SNAP47: variants seen among roughly 807,000 people sequenced by gnomAD.
SNAP47 encodes the protein synaptosome associated protein 47.
A neutral mutation model predicts 31.4 loss-of-function variants in SNAP47; 20 were observed. The observed-to-expected ratio is 0.64, with a 90% CI of 0.45 to 0.93. The LOEUF (loss-of-function observed/expected upper bound fraction) is 0.93. Among genes scored for constraint, SNAP47 ranks in the 40% least tolerant of loss-of-function variants. The pLI, the probability that SNAP47 is intolerant of heterozygous loss-of-function variation, is 0.00. For missense variants in SNAP47, 492 were observed against 528.5 expected (o/e 0.93, Z 0.68); for synonymous variants, 194 against 213.4 (o/e 0.91, Z 0.79).
At chr1:227,775,600 G>A (rs1486383038) in intron 4 of SNAP47, among the ~76,000 whole-genome samples, 2 of 152,368 alleles carry the variant, frequency 1.3e-5, no homozygotes, top group East Asian at 1.9e-4. Flanking sequence ...GGCAGCGAAC[G>A]CACAAGGCTG....
Position 227,738,923 on chromosome 1 carries a change from T to A in SNAP47, c.-46+3424T>A, listed in dbSNP as rs143125624. 4.6e-5 allele frequency among the ~76,000 whole-genome samples: 7 copies of A among 152,246 alleles called. No homozygotes were observed. In the East Asian group the frequency reaches 1.4e-3, roughly 29 times the overall value. On this transcript the variant is annotated intron_variant, in intron 1 of 4. Transcript: ENST00000617596. Reference sequence around the variant, plus strand: ...AGATCACTGAGCCCCTAGGACTTGGTGGGAGATGGAGCTCTCGTTCTTGAG... The same window carrying A: ...AGATCACTGAGCCCCTAGGACTTGGAGGGAGATGGAGCTCTCGTTCTTGAG...
upstream of SNAP47, chr1:227,732,876 C>T (rs747175835): frequency 1.3e-4 from 209 of 1,612,304 alleles, no homozygotes; most frequent in Non-Finnish European, 1.7e-4. Flanking sequence ...GCGTAGCCAC[C>T]CCACCTGGCA....
chr1:227,769,348 G>C (rs146017487), intron 4 of SNAP47, among the ~76,000 whole-genome samples: 2 of 152,174 alleles, frequency 1.3e-5, no homozygotes, highest in Non-Finnish European at 2.9e-5. Context: ...AGGGCAGCAC[G>C]TTGGTCAGAT....
At chr1:227,753,500 TGGGATCCACTGC>T (rs1662507197) in intron 2 of SNAP47, among the ~76,000 whole-genome samples, 3 of 152,196 alleles carry the variant, frequency 2.0e-5, no homozygotes, top group Admixed American at 2.0e-4. Context: ...GGCCATGGCA[TGGGATCCACTGC>T]CTCATCTCAC....
chr1:227,742,131 T>C lies in SNAP47; in HGVS notation c.-45-5561T>C, dbSNP rs549180697. ...TGCCATGCTGGTGTGCTGCACCCACTAACTCGTCATTTAGCATTAGGTATA... is the reference window on the plus strand; with the variant it reads ...TGCCATGCTGGTGTGCTGCACCCACCAACTCGTCATTTAGCATTAGGTATA... On this transcript the variant is annotated intron_variant, in intron 1 of 4. Transcript: ENST00000617596. 2.0e-5 allele frequency among the ~76,000 whole-genome samples: 3 copies of C among 152,224 alleles called. No homozygotes were observed. In the East Asian group the frequency reaches 5.8e-4, roughly 29 times the overall value.
rs1558204432 is a variant in SNAP47 at position 227,759,328 on chromosome 1, C to T, written c.831C>T (p.Asp277=). The T allele has an allele frequency of 4.3e-6, 7 of 1,614,262 alleles. No homozygotes were observed. The highest frequency in any genetic ancestry group is 4.5e-5 in the East Asian group (2 of 44,892). The change falls in exon 3 of 5, where the codon GAC becomes GAT. Residue 277 remains aspartate, a synonymous_variant. Coordinates refer to ENST00000617596, the MANE Select transcript of SNAP47 (RefSeq NM_053052.4). ...SIRQRFIGKP[D]MAYRLISAKM... ...GCCAGCGGTTTATTGGAAAGCCAGA[C>T]ATGGCCTATCGTTTGATATCTGCCA...
At chr1:227,739,522 C>T (rs1262008366) in intron 1 of SNAP47, among the ~76,000 whole-genome samples, 1 of 152,198 alleles carries the variant, frequency 6.6e-6, no homozygotes, top group African/African-American at 2.4e-5. Context: ...TGGCCGCACC[C>T]TACCGCCCCT....
intron 1 of SNAP47, among the ~76,000 whole-genome samples, chr1:227,743,050 T>G (rs1406449233): frequency 6.6e-6 from 1 of 152,140 alleles, no homozygotes; most frequent in African/African-American, 2.4e-5. Flanking sequence ...GGGGTGTAGC[T>G]AGGTTGACCA....
Position 227,780,716 on chromosome 1 carries a change from G to A in SNAP47, c.*43G>A, listed in dbSNP as rs1485548060. 7.5e-6 allele frequency: 12 copies of A among 1,610,316 alleles called. No individual in the cohort carries two copies. Among genetic ancestry groups the A allele is most frequent in the Admixed American group, 3.3e-5 (2 of 59,884 alleles). On this transcript the variant is annotated 3_prime_UTR_variant, in exon 5 of 5. Transcript: ENST00000617596. ...ATTCCTGTCTCACCCTGCACATCCC[G>A]CTGAGATGGAGGGCTGGGCGGCAGT... is the stretch of plus-strand genomic sequence containing the variant.
chr1:227,759,297 G>A lies in SNAP47; in HGVS notation c.800G>A (p.Ser267Asn), dbSNP rs1662911988. The change falls in exon 3 of 5, where the codon AGC (serine) becomes AAC (asparagine). Residue 267 changes from serine to asparagine, a missense_variant. By Grantham distance (46) the Ser-to-Asn change is conservative. Coordinates refer to ENST00000617596, the MANE Select transcript of SNAP47 (RefSeq NM_053052.4). The stretch of plus-strand genomic sequence containing the variant: ...AAGGTCCACTCACCTTACGAAATTA[G>A]CATCCGCCAGCGGTTTATTGGAAAG... ...DIKVHSPYEI[S>N]IRQRFIGKPD... 2 of 1,614,246 alleles carry A rather than the reference G, an allele frequency of 1.2e-6. No homozygotes were observed. The highest frequency in any genetic ancestry group is 2.7e-5 in the African/African-American group (2 of 75,066).
chr1:227,743,296 A>AGAAGAGGAGGCGGG (rs1288611269), intron 1 of SNAP47, among the ~76,000 whole-genome samples: 2 of 152,164 alleles, frequency 1.3e-5, no homozygotes, highest in Non-Finnish European at 2.9e-5. Context: ...GGCCCTCCCC[A>AGAAGAGGAGGCGGG]GAAGAGGAGG....
chr1:227,732,540 G>C, upstream of SNAP47: 2 of 1,613,432 alleles, frequency 1.2e-6, no homozygotes, highest in Non-Finnish European at 1.7e-6. Flanking sequence ...AACATCAAAG[G>C]CTGCCTGTTC....
At chr1:227,779,164 C>G (rs192631378) in intron 4 of SNAP47, among the ~76,000 whole-genome samples, 1 of 152,218 alleles carries the variant, frequency 6.6e-6, no homozygotes, top group Non-Finnish European at 1.5e-5. Flanking sequence ...TGAGCCACAC[C>G]GTTCAGTGGA....
In SNAP47 at chr1:227,781,107, T is replaced by C. The variant is rs1558221324; in HGVS notation, c.*434T>C. On this transcript the variant is annotated 3_prime_UTR_variant, in exon 5 of 5. Transcript: ENST00000617596. ...ATCCTATAAACACCCAACTGTTCTTTTATCGTCTCGGTTTTAGCCAAAAGT... is the reference window on the plus strand; with the variant it reads ...ATCCTATAAACACCCAACTGTTCTTCTATCGTCTCGGTTTTAGCCAAAAGT... 6.2e-6 allele frequency: 1 copy of C among 161,348 alleles called. No individual in the cohort carries two copies. Among genetic ancestry groups the C allele is most frequent in the Non-Finnish European group, 1.3e-5 (1 of 74,350 alleles). 10.0% of individuals were successfully genotyped at this position (161,348 alleles called of 1,614,324 possible). A position where few individuals can be genotyped will look rare whatever the true frequency, so the allele number is the denominator to read the frequency against.
intron 4 of SNAP47, among the ~76,000 whole-genome samples, chr1:227,773,545 C>T (rs187448688): frequency 3.7e-4 from 57 of 152,354 alleles, no homozygotes; most frequent in African/African-American, 1.3e-3. Context: ...AGTGTTCAGT[C>T]ATGCCTAAGC....
At chr1:227,758,965 C>A in intron 2 of SNAP47, 30 bp from the exon 3 acceptor site, 1 of 1,551,834 alleles carries the variant, frequency 6.4e-7, no homozygotes, top group Non-Finnish European at 8.7e-7. Flanking sequence ...TGAACTGATC[C>A]AGTTTTCCAT....
intron 1 of SNAP47, among the ~76,000 whole-genome samples, chr1:227,742,103 A>G (rs1375765423): frequency 3.3e-5 from 5 of 151,852 alleles, no homozygotes; most frequent in Non-Finnish European, 1.5e-5. Context: ...ATATGTATAC[A>G]TGTGCCATGC....
intron 4 of SNAP47, among the ~76,000 whole-genome samples, chr1:227,779,461 A>AG (rs1387343103): frequency 2.0e-5 from 3 of 152,140 alleles, no homozygotes; most frequent in African/African-American, 7.2e-5. Flanking sequence ...GAGGAGCTGT[A>AG]GGGGCCCCCC....
chr1:227,732,613 C>T (rs41270155), upstream of SNAP47: 9,580 of 1,613,502 alleles, frequency 5.9e-3, 35 homozygotes, highest in Non-Finnish European at 7.4e-3. Context: ...CTCTTCTCAG[C>T]GATGACCTTG....
Sources: allele counts gnomAD v4.1 joint callset (sites outside exome capture counted in the v4.1 genomes callset), GRCh38; gene constraint gnomAD v4.1.1; transcripts MANE v1.5; gene names NCBI Gene and HGNC (gene_info 2026-07-23, HGNC 2026-07-21).